Variants in DNAH6 observed in about 807,000 individuals in gnomAD.
DNAH6 encodes dynein axonemal heavy chain 6, also known as axonemal beta dynein heavy chain 6.
In DNAH6, 340 loss-of-function variants were observed where a neutral mutation model predicts 491.4. The observed-to-expected ratio is 0.69, with a 90% CI of 0.63 to 0.76. DNAH6 has a LOEUF of 0.76. Among genes scored for constraint, DNAH6 ranks in the 30% least tolerant of loss-of-function variants. The pLI is 0.00. For missense variants in DNAH6, 4,443 were observed against 4,972.2 expected (o/e 0.89, Z 3.20); for synonymous variants, 1,603 against 1,686.1 (o/e 0.95, Z 1.21).
chr2:84,651,330 A>T (rs1185832301), intron 33 of DNAH6, among the ~76,000 whole-genome samples: 1 of 152,208 alleles, frequency 6.6e-6, no homozygotes, highest in Non-Finnish European at 1.5e-5. Flanking sequence ...GGATGAAAGT[A>T]CATCCCTATT....
chr2:84,597,915 G>A (rs950252015), intron 18 of DNAH6, among the ~76,000 whole-genome samples: 2 of 152,040 alleles, frequency 1.3e-5, no homozygotes, highest in African/African-American at 2.4e-5. Flanking sequence ...GAGCCCAGGA[G>A]TTCAAGACCA....
intron 4 of DNAH6, among the ~76,000 whole-genome samples, chr2:84,538,065 A>G (rs775042034): frequency 1.3e-5 from 2 of 152,102 alleles, no homozygotes; most frequent in Non-Finnish European, 2.9e-5. Context: ...CAAATGATGA[A>G]AGTCACAGAA....
intron 62 of DNAH6, among the ~76,000 whole-genome samples, chr2:84,740,133 T>C (rs1209175077): frequency 6.6e-6 from 1 of 152,160 alleles, no homozygotes; most frequent in Non-Finnish European, 1.5e-5. Context: ...TTCTAGGTGC[T>C]TTCAGAGTGC....
chr2:84,729,503 T>C (rs1301440941), intron 61 of DNAH6, among the ~76,000 whole-genome samples: 1 of 152,162 alleles, frequency 6.6e-6, no homozygotes, highest in Non-Finnish European at 1.5e-5. Flanking sequence ...CAACAGAAAC[T>C]CAAAGAGGTT....
chr2:84,477,428 T>C, the DNAH6 span, among the ~76,000 whole-genome samples: 1 of 152,142 alleles, frequency 6.6e-6, no homozygotes, highest in Admixed American at 6.5e-5. Flanking sequence ...TTTTTCCCAA[T>C]ACTATTTAAG....
At chr2:84,803,998 G>C (rs1484490751) in intron 70 of DNAH6, among the ~76,000 whole-genome samples, 1 of 152,074 alleles carries the variant, frequency 6.6e-6, no homozygotes, top group African/African-American at 2.4e-5. Context: ...CTTGAGGCCA[G>C]GAGTTCGGGA....
chr2:84,802,028 G>A (rs1678973764), intron 70 of DNAH6, among the ~76,000 whole-genome samples: 1 of 152,138 alleles, frequency 6.6e-6, no homozygotes, highest in Non-Finnish European at 1.5e-5. Context: ...TTTGGCACCA[G>A]CAGACCAGCT....
In DNAH6 at chr2:84,654,789, G is replaced by C. The variant is rs1227468692; in HGVS notation, c.5757+7G>C. 1.3e-6 allele frequency: 2 copies of C among 1,550,164 alleles called. No homozygotes were observed. The highest frequency in any genetic ancestry group is 2.7e-5 in the African/African-American group (2 of 72,896). On this transcript the variant is annotated splice_region_variant and intron_variant, in intron 35 of 76. Transcript: ENST00000389394. ...GAAGGGTATTTCTAAAAAAGTAAGT[G>C]CCATCAGATATTCCCCAATATCTCC...
At chr2:84,597,450 T>C (rs1230668381) in intron 18 of DNAH6, among the ~76,000 whole-genome samples, 1 of 152,212 alleles carries the variant, frequency 6.6e-6, no homozygotes, top group Non-Finnish European at 1.5e-5. Context: ...AGACAGATTA[T>C]ATAGGAATAA....
chr2:84,557,566 C>T (rs1175127031), intron 10 of DNAH6, among the ~76,000 whole-genome samples, 169 bp from the exon 11 acceptor site: 4 of 144,262 alleles, frequency 2.8e-5, no homozygotes, highest in South Asian at 4.4e-4. Flanking sequence ...AGGAGAATGG[C>T]GTGAACCCGG....
At chr2:84,683,282 T>A (rs1267734463) in intron 42 of DNAH6, among the ~76,000 whole-genome samples, 1 of 152,168 alleles carries the variant, frequency 6.6e-6, no homozygotes, top group Non-Finnish European at 1.5e-5. Flanking sequence ...TGGCACTGAA[T>A]GAATGAATGT....
intron 61 of DNAH6, 66 bp from the exon 62 acceptor site, chr2:84,733,378 G>A (rs1032500365): frequency 2.8e-6 from 4 of 1,413,340 alleles, no homozygotes; most frequent in Non-Finnish European, 3.9e-6. Flanking sequence ...TTTTCACTTG[G>A]ACAAAGTGAA....
intron 76 of DNAH6, among the ~76,000 whole-genome samples, chr2:84,818,042 A>G (rs1342324244): frequency 6.6e-6 from 1 of 152,180 alleles, no homozygotes; most frequent in Admixed American, 6.5e-5. Context: ...GCCTGGCATA[A>G]AGAATTCTTA....
At position 84,588,861 on chromosome 2, in the gene DNAH6, C is replaced by T; in HGVS notation, c.2517C>T (p.Asp839=). ...PQILDISADQ[D]KIRLILNNLQ... The stretch of plus-strand genomic sequence containing the variant: ...TTTTAGATATCTCTGCTGACCAAGA[C>T]AAAATAAGGCTCATATTGAATAATC... Residue 839 remains aspartate (D), a synonymous_variant, in exon 16 of 77, where the codon GAC becomes GAT. Transcript: ENST00000389394. 4.5e-6 allele frequency: 7 copies of T among 1,549,912 alleles called. No individual in the cohort carries two copies. The highest frequency in any genetic ancestry group is 5.2e-6 in the Non-Finnish European group (6 of 1,146,184).
intron 37 of DNAH6, among the ~76,000 whole-genome samples, chr2:84,667,008 A>G (rs1692196076): frequency 6.6e-6 from 1 of 152,222 alleles, no homozygotes; most frequent in Non-Finnish European, 1.5e-5. Context: ...ACAATTCCCT[A>G]TTTAATAAAT....
chr2:84,664,388 A>G (rs1259498473), intron 37 of DNAH6, among the ~76,000 whole-genome samples: 4 of 152,178 alleles, frequency 2.6e-5, no homozygotes, highest in Admixed American at 1.3e-4. Flanking sequence ...GGCTCAAAAT[A>G]AAGAGATGCA....
At chr2:84,492,856 A>T in the DNAH6 span, among the ~76,000 whole-genome samples, 32 of 152,180 alleles carry the variant, frequency 2.1e-4, no homozygotes, top group African/African-American at 7.7e-4. Flanking sequence ...ATGTCTAAAG[A>T]TAATAAAAAA....
intron 20 of DNAH6, among the ~76,000 whole-genome samples, chr2:84,606,455 T>A (rs1685776776): frequency 6.6e-6 from 1 of 152,132 alleles, no homozygotes; most frequent in Non-Finnish European, 1.5e-5. Flanking sequence ...CCGTGAGAGA[T>A]GCTGTTGTAT....
At chr2:84,681,898 C>T (rs186556835) in intron 42 of DNAH6, among the ~76,000 whole-genome samples, 20 of 152,316 alleles carry the variant, frequency 1.3e-4, no homozygotes, top group Non-Finnish European at 2.4e-4. Flanking sequence ...CCTGTCTACT[C>T]AAGGATTTTG....
Sources: gnomAD v4.1 joint callset for allele counts (sites outside exome capture counted in the v4.1 genomes callset) on GRCh38, gnomAD v4.1.1 for gene constraint, MANE v1.5 for transcripts, NCBI Gene and HGNC (gene_info 2026-07-23, HGNC 2026-07-21) for gene names.